The following DYNC2H1 variants were observed in gnomAD, a reference collection of about 807,000 sequenced individuals.
The protein encoded by DYNC2H1 is cytoplasmic dynein 2 heavy chain 1.
Under a neutral mutation model 570.0 loss-of-function variants are expected in DYNC2H1, and 410 were observed. The ratio of observed to expected loss-of-function variants is 0.72; its 90% confidence interval spans 0.66 to 0.78. The LOEUF is 0.78. Among genes scored for constraint, DYNC2H1 ranks in the 30% least tolerant of loss-of-function variants. The pLI is 0.00. For synonymous variants in DYNC2H1, 1,688 were observed against 1,677.6 expected (o/e 1.01, Z -0.15); for missense variants, 4,865 against 5,046.4 (o/e 0.96, Z 1.09).
intron 87 of DYNC2H1, among the ~76,000 whole-genome samples, chr11:103,460,526 A>ATATT (rs1252636286): frequency 1.3e-5 from 2 of 151,624 alleles, no homozygotes; most frequent in African/African-American, 4.8e-5. Flanking sequence ...TAAGATTATA[A>ATATT]TATTAGTATC....
intron 84 of DYNC2H1, among the ~76,000 whole-genome samples, chr11:103,422,893 A>G (rs1943535925): frequency 1.3e-5 from 2 of 152,176 alleles, no homozygotes; most frequent in South Asian, 4.1e-4. Context: ...GAGGAAGTCA[A>G]ATTGTTTTTG....
intron 4 of DYNC2H1, among the ~76,000 whole-genome samples, chr11:103,115,854 A>G (rs1281966804): frequency 1.3e-5 from 2 of 152,218 alleles, no homozygotes; most frequent in Non-Finnish European, 2.9e-5. Flanking sequence ...AAAAACAAAT[A>G]TAACAGGTTT....
chr11:103,279,712 C>T (rs764641479), intron 70 of DYNC2H1, among the ~76,000 whole-genome samples: 1 of 152,096 alleles, frequency 6.6e-6, no homozygotes, highest in Non-Finnish European at 1.5e-5. Context: ...TTTGGTTCTG[C>T]TTTCGTTTTA....
At chr11:103,223,220 CAATT>C in intron 59 of DYNC2H1, 134 bp downstream of exon 59, 1 of 794,022 alleles carries the variant, frequency 1.3e-6, no homozygotes, top group Admixed American at 3.9e-5. Context: ...ATGAATGAGT[CAATT>C]AAAGACAAAT....
intron 59 of DYNC2H1, among the ~76,000 whole-genome samples, chr11:103,226,783 T>C (rs983299938): frequency 2.0e-5 from 3 of 152,150 alleles, no homozygotes; most frequent in African/African-American, 7.2e-5. Flanking sequence ...GTCAATAGGA[T>C]TGGTACCAAT....
chr11:103,262,290 CAGG>C (rs1865329719), intron 70 of DYNC2H1, among the ~76,000 whole-genome samples: 1 of 152,112 alleles, frequency 6.6e-6, no homozygotes, highest in African/African-American at 2.4e-5. Context: ...GGATATTATC[CAGG>C]AGAACTTGCC....
intron 63 of DYNC2H1, among the ~76,000 whole-genome samples, chr11:103,242,294 A>G (rs547240836): frequency 1.3e-5 from 2 of 152,314 alleles, no homozygotes; most frequent in South Asian, 4.1e-4. Context: ...ATTAACAACA[A>G]CAATAATAAA....
At chr11:103,415,557 C>T (rs1313980846) in intron 84 of DYNC2H1, among the ~76,000 whole-genome samples, 2 of 152,194 alleles carry the variant, frequency 1.3e-5, no homozygotes, top group African/African-American at 4.8e-5. Flanking sequence ...AAACGCTCAT[C>T]ATCACTGGTC....
rs1347725249 is a variant in DYNC2H1, at chr11:103,245,975, A to T, written c.10042+601A>T. 3.3e-5 allele frequency among the ~76,000 whole-genome samples: 5 copies of T among 152,148 alleles called. No individual in the cohort carries two copies. The highest frequency in any genetic ancestry group is 1.2e-4 in the African/African-American group (5 of 41,448). On this transcript the variant is annotated intron_variant, in intron 65 of 88. Transcript: ENST00000375735. The surrounding 1 kb of genome is among the most constrained non-coding windows in gnomAD (Gnocchi z 4.5). ...ATGCCACATACGTTGCTAGCACAGC[A>T]AACTTTAAATAGAAAATTGATGTTA...
At chr11:103,191,043 C>T (rs373097729) in intron 45 of DYNC2H1, among the ~76,000 whole-genome samples, 206 of 93,270 alleles carry the variant, frequency 2.2e-3, no homozygotes, top group Middle Eastern at 5.1e-3. Context: ...TTTTCTTTTT[C>T]TTTTTTTTTT....
Position 103,254,969 on chromosome 11 carries a change from C to T in DYNC2H1, c.10207-446C>T, listed in dbSNP as rs757022511. Among the ~76,000 whole-genome samples the T allele has an allele frequency of 6.6e-6, 1 of 151,770 alleles. No homozygotes were observed. The highest frequency in any genetic ancestry group is 1.5e-5 in the Non-Finnish European group (1 of 67,944). ...TGTATTTTTAGTAGAGATGGAGTTT[C>T]ACTATGTTAGCCAGGCTGGTCTCGA... On this transcript the variant is annotated intron_variant, in intron 66 of 88. Transcript: ENST00000375735. The surrounding 1 kb of genome is among the most constrained non-coding windows in gnomAD (Gnocchi z 4.9).
At chr11:103,436,686 C>T (rs933804260) in intron 85 of DYNC2H1, among the ~76,000 whole-genome samples, 3 of 152,098 alleles carry the variant, frequency 2.0e-5, no homozygotes, top group Non-Finnish European at 4.4e-5. Flanking sequence ...AGTCTGTTCA[C>T]ATTTGTCATC....
At chr11:103,227,159 A>T (rs1287400949) in intron 59 of DYNC2H1, among the ~76,000 whole-genome samples, 1 of 148,240 alleles carries the variant, frequency 6.7e-6, no homozygotes, top group Non-Finnish European at 1.5e-5. Context: ...TATCTTTTGT[A>T]TTTTTTTTGT....
intron 83 of DYNC2H1, among the ~76,000 whole-genome samples, chr11:103,382,634 AT>A (rs1449263313): frequency 2.6e-5 from 4 of 152,082 alleles, no homozygotes; most frequent in Non-Finnish European, 4.4e-5. Context: ...GGATGAAAGC[AT>A]TTCTCAGTTG....
intron 84 of DYNC2H1, among the ~76,000 whole-genome samples, 175 bp downstream of exon 84, chr11:103,400,047 T>TTA (rs1942573185): frequency 6.6e-6 from 1 of 152,264 alleles, no homozygotes; most frequent in South Asian, 2.1e-4. Flanking sequence ...GTATCTAGCA[T>TTA]TATGCCAGCT....
chr11:103,266,132 T>C lies in DYNC2H1; in HGVS notation c.10695+6155T>C, dbSNP rs1865495610. Among the ~76,000 whole-genome samples, 3 of 152,128 alleles carry C rather than the reference T, an allele frequency of 2.0e-5. 1 individual carries two copies. In the South Asian group the frequency reaches 6.2e-4, roughly 32 times the overall value. On this transcript the variant is annotated intron_variant, in intron 70 of 88. Transcript: ENST00000375735. The stretch of plus-strand genomic sequence containing the variant: ...CCGCTGGTCACTACACTGCGATAGG[T>C]GGTGTTACCTAAGTGTTTCATAGTG...
chr11:103,355,166 ATGT>A (rs1188775840), intron 82 of DYNC2H1, among the ~76,000 whole-genome samples: 1 of 151,714 alleles, frequency 6.6e-6, no homozygotes, highest in Non-Finnish European at 1.5e-5. Context: ...TTAGTTGATG[ATGT>A]TCTTGCTTAT....
intron 71 of DYNC2H1, among the ~76,000 whole-genome samples, chr11:103,281,830 G>A (rs1217083384): frequency 2.0e-5 from 3 of 151,852 alleles, no homozygotes; most frequent in South Asian, 2.1e-4. Context: ...GTTTTTGGGT[G>A]CACCTTACTT....
intron 83 of DYNC2H1, among the ~76,000 whole-genome samples, chr11:103,380,854 G>A (rs913733901): frequency 6.6e-6 from 1 of 152,162 alleles, no homozygotes; most frequent in African/African-American, 2.4e-5. Context: ...GAGCCAACAT[G>A]CCTGGCCGAG....
Sources: gnomAD v4.1 joint callset for allele counts (sites outside exome capture counted in the v4.1 genomes callset) on GRCh38, gnomAD v4.1.1 for gene constraint, Gnocchi (gnomAD v3.1) non-coding constraint, MANE v1.5 for transcripts, NCBI Gene and HGNC (gene_info 2026-07-23, HGNC 2026-07-21) for gene names.